PDE4D: variants seen among roughly 807,000 people sequenced by gnomAD.
PDE4D encodes phosphodiesterase 4D.
In PDE4D, 24 loss-of-function variants were observed where a neutral mutation model predicts 87.4. That is an observed-to-expected ratio of 0.27 (90% CI 0.20 to 0.39). The LOEUF (loss-of-function observed/expected upper bound fraction) is 0.39, where lower values mean the gene tolerates loss of function less well. Ranked by LOEUF, PDE4D falls within the 10% of genes least tolerant of loss-of-function variation. The pLI, the probability that PDE4D is intolerant of heterozygous loss-of-function variation, is 1.00. For synonymous variants in PDE4D, 384 were observed against 383.2 expected (o/e 1.00, Z -0.02); for missense variants, 714 against 1,041.0 (o/e 0.69, Z 4.32).
intron 1 of PDE4D, among the ~76,000 whole-genome samples, chr5:59,845,052 C>T (rs918246489): frequency 2.0e-5 from 3 of 152,008 alleles, no homozygotes; most frequent in African/African-American, 7.2e-5. Flanking sequence ...GTGGGAACTT[C>T]GGTCCTAAAA....
chr5:59,019,757 G>A (rs916583126), intron 6 of PDE4D, among the ~76,000 whole-genome samples: 3 of 151,782 alleles, frequency 2.0e-5, no homozygotes, highest in Non-Finnish European at 2.9e-5. Flanking sequence ...TTGAATACTC[G>A]AACTCCTCTA....
At chr5:60,422,004 A>C (rs1436206654) in intron 1 of PDE4D, among the ~76,000 whole-genome samples, 1 of 152,206 alleles carries the variant, frequency 6.6e-6, no homozygotes, top group Non-Finnish European at 1.5e-5. Flanking sequence ...AAAAAGAGTA[A>C]AAAGAAACAA....
chr5:59,408,809 G>T (rs911630371), intron 1 of PDE4D, among the ~76,000 whole-genome samples: 1 of 152,142 alleles, frequency 6.6e-6, no homozygotes, highest in East Asian at 1.9e-4. Context: ...TCAGACTTGG[G>T]TGGGGCCTGA....
intron 1 of PDE4D, among the ~76,000 whole-genome samples, chr5:59,530,534 T>G (rs926258648): frequency 6.6e-6 from 1 of 152,164 alleles, no homozygotes; most frequent in Non-Finnish European, 1.5e-5. Flanking sequence ...GTTATGTCAA[T>G]AGTTATTATG....
intron 1 of PDE4D, among the ~76,000 whole-genome samples, chr5:60,473,612 C>T (rs1748026066): frequency 6.6e-6 from 1 of 152,040 alleles, no homozygotes. Context: ...TTTAAGCTAA[C>T]AAATCTTGCT....
At chr5:60,026,587 C>T (rs1008746876) in intron 2 of PDE4D, among the ~76,000 whole-genome samples, 2 of 152,058 alleles carry the variant, frequency 1.3e-5, no homozygotes, top group Non-Finnish European at 2.9e-5. Flanking sequence ...AAATGATAAA[C>T]TCGATGAATA....
chr5:59,761,595 C>T (rs1761974955), intron 1 of PDE4D, among the ~76,000 whole-genome samples: 1 of 151,802 alleles, frequency 6.6e-6, no homozygotes, highest in African/African-American at 2.4e-5. Context: ...GACACAAACA[C>T]ACATTAGCCT....
chr5:59,715,226 C>A (rs1754829129), intron 1 of PDE4D, among the ~76,000 whole-genome samples: 1 of 152,192 alleles, frequency 6.6e-6, no homozygotes, highest in African/African-American at 2.4e-5. Context: ...AAGTGGGGCA[C>A]CTACTTGAAG....
At chr5:59,428,237 A>G (rs1795600250) in intron 1 of PDE4D, among the ~76,000 whole-genome samples, 1 of 152,200 alleles carries the variant, frequency 6.6e-6, no homozygotes, top group Non-Finnish European at 1.5e-5. Flanking sequence ...ACTTAGCTTT[A>G]AATCGAGCTA....
intron 1 of PDE4D, among the ~76,000 whole-genome samples, chr5:59,828,211 T>C (rs1770551338): frequency 6.6e-6 from 1 of 151,618 alleles, no homozygotes. Context: ...AGAGAAAAAA[T>C]GATCTAGAAA....
At position 59,249,671 on chromosome 5, in the gene PDE4D, A is replaced by G. The variant is rs186358778; in HGVS notation, c.456-33703T>C. ...GGAAAAATGCTCATGATAAAATGCT[A>G]AATTAAAAAAAGAAATTAAAACTGT... On this transcript the variant is annotated intron_variant, in intron 1 of 14. Coordinates refer to ENST00000340635, the MANE Select transcript of PDE4D (RefSeq NM_001104631.2). 2.6e-5 allele frequency among the ~76,000 whole-genome samples: 4 copies of G among 152,298 alleles called. No homozygotes were observed. In the East Asian group the frequency reaches 7.7e-4, roughly 29 times the overall value.
At chr5:60,366,321 T>C (rs1223116990) in intron 1 of PDE4D, among the ~76,000 whole-genome samples, 1 of 152,096 alleles carries the variant, frequency 6.6e-6, no homozygotes, top group Non-Finnish European at 1.5e-5. Context: ...GAGGCCTATT[T>C]ACCCTCAAGT....
At chr5:60,080,628 T>C (rs1470833036) in intron 2 of PDE4D, among the ~76,000 whole-genome samples, 1 of 152,220 alleles carries the variant, frequency 6.6e-6, no homozygotes, top group Non-Finnish European at 1.5e-5. Flanking sequence ...TCTGCATCTA[T>C]TGAGATAATC....
chr5:59,705,180 T>C (rs572895838), intron 1 of PDE4D, among the ~76,000 whole-genome samples: 2 of 152,278 alleles, frequency 1.3e-5, no homozygotes, highest in African/African-American at 4.8e-5. Flanking sequence ...AAGAATATAG[T>C]AAATGAAAGA....
chr5:60,045,924 G>A (rs1769181166), intron 2 of PDE4D, among the ~76,000 whole-genome samples: 1 of 152,078 alleles, frequency 6.6e-6, no homozygotes, highest in Non-Finnish European at 1.5e-5. Context: ...AGCTTGATGG[G>A]GATGGCACTG....
intron 1 of PDE4D, among the ~76,000 whole-genome samples, chr5:60,443,867 C>T (rs1447529170): frequency 6.6e-6 from 1 of 152,142 alleles, no homozygotes; most frequent in African/African-American, 2.4e-5. Context: ...TCAACATCCA[C>T]TGGGTGCTAG....
At chr5:59,382,375 C>CCT (rs939860375) in intron 1 of PDE4D, among the ~76,000 whole-genome samples, 1 of 152,060 alleles carries the variant, frequency 6.6e-6, no homozygotes, top group Non-Finnish European at 1.5e-5. Flanking sequence ...TGATACCATA[C>CCT]CTCTATTCCA....
At chr5:60,143,603 TTGTGTGTGTGTGTGTGTGTG>T (rs34236719) in intron 2 of PDE4D, among the ~76,000 whole-genome samples, 1 of 117,690 alleles carries the variant, frequency 8.5e-6, no homozygotes, top group Non-Finnish European at 1.7e-5. Flanking sequence ...AGCTTGGGAA[TTGTGTGTGTGTGTGTGTGTG>T]TGTGTGTGTG....
intron 1 of PDE4D, among the ~76,000 whole-genome samples, chr5:60,512,109 G>A (rs1750603262): frequency 6.6e-6 from 1 of 152,018 alleles, no homozygotes; most frequent in South Asian, 2.1e-4. Flanking sequence ...ACACATACAA[G>A]GCAGGATCTC....
Sources: allele counts gnomAD v4.1 joint callset (sites outside exome capture counted in the v4.1 genomes callset), GRCh38; gene constraint gnomAD v4.1.1; transcripts MANE v1.5; gene names NCBI Gene and HGNC (gene_info 2026-07-23, HGNC 2026-07-21).